HDAC9: variants seen among roughly 807,000 people sequenced by gnomAD.
The protein encoded by HDAC9 is histone deacetylase 9.
Under a neutral mutation model 139.4 loss-of-function variants are expected in HDAC9, and 41 were observed. That is an observed-to-expected ratio of 0.29 (90% CI 0.23 to 0.38). The LOEUF is 0.38. Among genes scored for constraint, HDAC9 ranks in the 10% least tolerant of loss-of-function variants. The pLI, the probability that HDAC9 is intolerant of heterozygous loss-of-function variation, is 1.00. For missense variants in HDAC9, 1,147 were observed against 1,297.0 expected (o/e 0.88, Z 1.78); for synonymous variants, 517 against 476.2 (o/e 1.09, Z -1.12).
intron 2 of HDAC9, among the ~76,000 whole-genome samples, chr7:18,529,194 A>T (rs1032223613): frequency 2.7e-4 from 41 of 152,270 alleles, no homozygotes; most frequent in African/African-American, 7.5e-4. Context: ...GAAAAAAAAA[A>T]TCTTTTGAAA....
At chr7:18,541,166 T>TTTC (rs397760512) in intron 2 of HDAC9, among the ~76,000 whole-genome samples, 8 of 147,454 alleles carry the variant, frequency 5.4e-5, no homozygotes, top group Admixed American at 3.4e-4. Context: ...TTTTTTTTTT[T>TTTC]CTGATTGAAA....
chr7:18,318,611 A>T (rs977105542), intron 1 of HDAC9, among the ~76,000 whole-genome samples: 1 of 152,220 alleles, frequency 6.6e-6, no homozygotes, highest in Non-Finnish European at 1.5e-5. Flanking sequence ...GAATCAATTC[A>T]TCATGAATTA....
intron 12 of HDAC9, among the ~76,000 whole-genome samples, chr7:18,700,380 G>A (rs909991976): frequency 6.6e-6 from 1 of 152,132 alleles, no homozygotes; most frequent in African/African-American, 2.4e-5. Context: ...CGTGAATAAC[G>A]GTGACAATGC....
At chr7:18,125,172 T>A (rs1784579680) in intron 1 of HDAC9, among the ~76,000 whole-genome samples, 1 of 152,038 alleles carries the variant, frequency 6.6e-6, no homozygotes, top group African/African-American at 2.4e-5. Flanking sequence ...TCCTGGGGAA[T>A]GAGGGTACCC....
intron 1 of HDAC9, among the ~76,000 whole-genome samples, chr7:18,111,171 A>G (rs566684883): frequency 6.6e-6 from 1 of 152,318 alleles, no homozygotes; most frequent in Non-Finnish European, 1.5e-5. Context: ...AGACGTAAAT[A>G]ATTACCCAAC....
At chr7:18,561,326 T>A (rs1820528505) in intron 2 of HDAC9, among the ~76,000 whole-genome samples, 1 of 152,198 alleles carries the variant, frequency 6.6e-6, no homozygotes, top group African/African-American at 2.4e-5. Context: ...AATATGCCAA[T>A]TCCCCAGAGA....
intron 21 of HDAC9, among the ~76,000 whole-genome samples, chr7:18,858,373 C>G (rs1359901743): frequency 1.3e-5 from 2 of 152,096 alleles, no homozygotes; most frequent in Non-Finnish European, 2.9e-5. Flanking sequence ...CACCTCTTCA[C>G]GAGGCAGCAG....
At chr7:18,904,465 A>G (rs953761197) in intron 22 of HDAC9, among the ~76,000 whole-genome samples, 3 of 152,142 alleles carry the variant, frequency 2.0e-5, no homozygotes, top group Non-Finnish European at 4.4e-5. Flanking sequence ...ATTTGTTATA[A>G]AACATTTAGA....
intron 1 of HDAC9, among the ~76,000 whole-genome samples, chr7:18,112,301 A>G (rs983490151): frequency 6.6e-6 from 1 of 152,140 alleles, no homozygotes; most frequent in Non-Finnish European, 1.5e-5. Context: ...CAAATCGGAG[A>G]TTTTGTTTTG....
intron 6 of HDAC9, among the ~76,000 whole-genome samples, chr7:18,613,893 C>A (rs746866531): frequency 3.9e-5 from 6 of 152,094 alleles, no homozygotes; most frequent in Non-Finnish European, 8.8e-5. Context: ...ACCTCATGGG[C>A]TGCCCTTTCA....
chr7:18,728,766 A>G (rs553790261), intron 13 of HDAC9, among the ~76,000 whole-genome samples: 1 of 152,310 alleles, frequency 6.6e-6, no homozygotes, highest in South Asian at 2.1e-4. Flanking sequence ...CTAAAACCAT[A>G]TTCCCAAGCC....
chr7:18,976,409 A>T (rs559602570), intron 25 of HDAC9, among the ~76,000 whole-genome samples: 3 of 152,320 alleles, frequency 2.0e-5, no homozygotes, highest in African/African-American at 7.2e-5. Flanking sequence ...GCCAAAATAC[A>T]TACACACTCC....
intron 25 of HDAC9, among the ~76,000 whole-genome samples, chr7:18,982,366 G>T (rs1231421334): frequency 6.6e-6 from 1 of 151,960 alleles, no homozygotes; most frequent in African/African-American, 2.4e-5. Context: ...TTAACATAAA[G>T]ATCATCATCT....
intron 16 of HDAC9, among the ~76,000 whole-genome samples, chr7:18,779,472 G>A (rs1791060274): frequency 6.6e-6 from 1 of 152,022 alleles, no homozygotes; most frequent in Non-Finnish European, 1.5e-5. Context: ...CAGTCACCCA[G>A]AATTAGAGAG....
intron 2 of HDAC9, among the ~76,000 whole-genome samples, chr7:18,223,488 T>C (rs1792846337): frequency 6.6e-6 from 1 of 152,124 alleles, no homozygotes; most frequent in East Asian, 1.9e-4. Context: ...GCTTCCCTTT[T>C]ATAGATGGTG....
intron 12 of HDAC9, among the ~76,000 whole-genome samples, chr7:18,712,650 T>C (rs906279163): frequency 6.6e-6 from 1 of 152,206 alleles, no homozygotes; most frequent in Non-Finnish European, 1.5e-5. Context: ...ATCCTAGGTA[T>C]TGCAGGTTCA....
intron 16 of HDAC9, among the ~76,000 whole-genome samples, chr7:18,785,147 T>C (rs1440094826): frequency 1.3e-5 from 2 of 152,054 alleles, no homozygotes; most frequent in East Asian, 3.9e-4. Flanking sequence ...AGCAAAGGAA[T>C]GGGAAGAACT....
intron 2 of HDAC9, among the ~76,000 whole-genome samples, chr7:18,210,197 G>T (rs1791839423): frequency 6.6e-6 from 1 of 152,066 alleles, no homozygotes; most frequent in Non-Finnish European, 1.5e-5. Context: ...ATATTCTGTG[G>T]TGTTCTGTGA....
chr7:18,865,584 C>G (rs1276550341), intron 21 of HDAC9, among the ~76,000 whole-genome samples: 1 of 152,116 alleles, frequency 6.6e-6, no homozygotes, highest in South Asian at 2.1e-4. Context: ...TCATTTAGTG[C>G]CCCCCACAAG....
Sources: gnomAD v4.1 joint callset for allele counts (sites outside exome capture counted in the v4.1 genomes callset) on GRCh38, gnomAD v4.1.1 for gene constraint, MANE v1.5 for transcripts, NCBI Gene and HGNC (gene_info 2026-07-23, HGNC 2026-07-21) for gene names.